The following ELP4 variants were observed in gnomAD, a reference collection of about 807,000 sequenced individuals.
The protein encoded by ELP4 is elongator complex protein 4.
Under a neutral mutation model 48.9 loss-of-function variants are expected in ELP4, and 51 were observed. The ratio of observed to expected loss-of-function variants is 1.04; its 90% confidence interval spans 0.83 to 1.32. The LOEUF (loss-of-function observed/expected upper bound fraction) is 1.32. Ranked by LOEUF, ELP4 falls within the 40% of genes most tolerant of loss-of-function variation. ELP4 has a pLI of 0.00. For missense variants in ELP4, 519 were observed against 514.6 expected (o/e 1.01, Z -0.08); for synonymous variants, 210 against 189.2 (o/e 1.11, Z -0.90).
chr11:31,636,588 G>A (rs1054475593), intron 7 of ELP4, among the ~76,000 whole-genome samples: 2 of 151,836 alleles, frequency 1.3e-5, no homozygotes, highest in African/African-American at 4.8e-5. Context: ...TGCAAAGAGA[G>A]GGAAAAGTTA....
At chr11:31,544,586 A>G (rs966649875) in intron 3 of ELP4, among the ~76,000 whole-genome samples, 4 of 152,198 alleles carry the variant, frequency 2.6e-5, no homozygotes, top group Admixed American at 1.3e-4. Context: ...ACAGACAAAC[A>G]AAAAGACAGC....
intron 9 of ELP4, among the ~76,000 whole-genome samples, chr11:31,723,387 C>G (rs1347142870): frequency 1.3e-5 from 2 of 151,892 alleles, no homozygotes; most frequent in Non-Finnish European, 2.9e-5. Flanking sequence ...ATTGTTCCCA[C>G]AAACTTCACT....
intron 4 of ELP4, chr11:31,599,449 A>G (rs1957738585): frequency 6.7e-6 from 1 of 150,316 alleles, no homozygotes; most frequent in South Asian, 2.1e-4. Flanking sequence ...CTGCTTTATA[A>G]ATCTAGGCTT....
chr11:31,533,368 CTTTTT>C (rs71060492), intron 2 of ELP4, among the ~76,000 whole-genome samples: 28 of 50,478 alleles, frequency 5.5e-4, no homozygotes, highest in South Asian at 1.4e-3. Context: ...CCATCTCATT[CTTTTT>C]TTTTTTTTTT....
intron 2 of ELP4, among the ~76,000 whole-genome samples, chr11:31,524,331 T>G (rs1435786344): frequency 6.6e-6 from 1 of 152,256 alleles, no homozygotes; most frequent in Non-Finnish European, 1.5e-5. Flanking sequence ...GCTTTCAAGC[T>G]CGTGGTTGTT....
rs368275336 is a variant in ELP4 at position 31,539,738 on chromosome 11, T to G, written c.336T>G (p.Thr112=). ...FLAEGIVNGH[T]LLVASAKEDP... ...CAGAAGGAATTGTCAATGGGCATAC[T>G]TTGTTGGTTGCATCTGCTAAAGAGG... Residue 112 remains threonine, a synonymous_variant, in exon 3 of 10, where the codon ACT becomes ACG. Transcript: ENST00000640961. 132 of 1,612,378 alleles carry G rather than the reference T, an allele frequency of 8.2e-5. No homozygotes were observed. Among genetic ancestry groups the G allele is most frequent in the South Asian group, 3.3e-5 (3 of 90,518 alleles).
intron 7 of ELP4, chr11:31,647,128 C>A (rs558145553): frequency 1.3e-5 from 2 of 151,808 alleles, no homozygotes; most frequent in Admixed American, 1.3e-4. Flanking sequence ...TCTTTTCTTT[C>A]CCTTTATTAT....
At chr11:31,573,675 T>A (rs921801850) in intron 3 of ELP4, 7 of 152,180 alleles carry the variant, frequency 4.6e-5, no homozygotes, top group Non-Finnish European at 1.0e-4. Flanking sequence ...TAAACTTAGT[T>A]ATTTTCAAAC....
intron 3 of ELP4, among the ~76,000 whole-genome samples, chr11:31,568,761 A>T (rs1160723420): frequency 6.6e-6 from 1 of 152,176 alleles, no homozygotes; most frequent in East Asian, 1.9e-4. Context: ...GCCTATCGCC[A>T]TATACAAAAT....
chr11:31,734,062 A>G (rs914553310), intron 9 of ELP4, among the ~76,000 whole-genome samples: 2 of 152,258 alleles, frequency 1.3e-5, no homozygotes, highest in Admixed American at 6.5e-5. Context: ...ATGGCTCAAC[A>G]TAAGAACATT....
At position 31,788,379 on chromosome 11, in the gene ELP4, C is replaced by T; in HGVS notation, c.*4855C>T. The T allele has an allele frequency of 4.5e-6, 1 of 224,404 alleles. No individual in the cohort carries two copies. Among genetic ancestry groups the T allele is most frequent in the Non-Finnish European group, 8.9e-6 (1 of 112,524 alleles). 13.9% of individuals were successfully genotyped at this position (224,404 alleles called of 1,614,324 possible). On this transcript the variant is annotated 3_prime_UTR_variant, in exon 10 of 10. Transcript: ENST00000640961. ...CCCTCCACCCTCCAACCATCCACAACCGCACAGAAAGCAAGATTCAAATGG... is the reference window on the plus strand; with the variant it reads ...CCCTCCACCCTCCAACCATCCACAATCGCACAGAAAGCAAGATTCAAATGG...
intron 9 of ELP4, chr11:31,707,418 G>A (rs1476317412): frequency 6.3e-6 from 1 of 158,570 alleles, no homozygotes; most frequent in East Asian, 1.8e-4. Context: ...TGTAAGTGTG[G>A]AAAATTTAAT....
At chr11:31,548,100 C>T (rs1321399980) in intron 3 of ELP4, among the ~76,000 whole-genome samples, 2 of 152,102 alleles carry the variant, frequency 1.3e-5, no homozygotes, top group African/African-American at 4.8e-5. Flanking sequence ...CCTCTCTCAC[C>T]ACTCCTATTC....
chr11:31,627,158 C>T lies in ELP4; in HGVS notation c.702C>T (p.Ile234=). The T allele has an allele frequency of 6.3e-7, 1 of 1,587,692 alleles. No homozygotes were observed. Among genetic ancestry groups the T allele is most frequent in the Non-Finnish European group, 8.6e-7 (1 of 1,166,386 alleles). Residue 234 remains isoleucine, a synonymous_variant, in exon 6 of 10, where the codon ATC becomes ATT. Transcript: ENST00000640961. Reference sequence around the variant, plus strand: ...AGCTGCTTCAGTTTATCCAGAACATCATTTATGAGGAAGGATTTGATGGAT... The same window carrying T: ...AGCTGCTTCAGTTTATCCAGAACATTATTTATGAGGAAGGATTTGATGGAT... ...YTKLLQFIQN[I]IYEEGFDGSN...
At chr11:31,533,544 A>AT (rs926936242) in intron 2 of ELP4, among the ~76,000 whole-genome samples, 325 of 147,652 alleles carry the variant, frequency 2.2e-3, no homozygotes, top group African/African-American at 6.9e-3. Context: ...AGCCCGGCTA[A>AT]TTTTTTTTTT....
chr11:31,605,266 T>G (rs1461879297), intron 5 of ELP4, among the ~76,000 whole-genome samples: 3 of 152,066 alleles, frequency 2.0e-5, no homozygotes, highest in Non-Finnish European at 2.9e-5. Context: ...AATCAATATC[T>G]TCATGTGAAA....
At chr11:31,530,466 G>C (rs931737367) in intron 2 of ELP4, among the ~76,000 whole-genome samples, 1 of 152,076 alleles carries the variant, frequency 6.6e-6, no homozygotes, top group East Asian at 1.9e-4. Context: ...GTAGTTTCAT[G>C]AAGAAAGTTG....
intron 9 of ELP4, among the ~76,000 whole-genome samples, chr11:31,729,528 A>C (rs1947141358): frequency 6.6e-6 from 1 of 152,360 alleles, no homozygotes; most frequent in South Asian, 2.1e-4. Flanking sequence ...TCTCAAAAAA[A>C]CATTTTTGTT....
At chr11:31,688,989 T>G (rs951064240) in intron 9 of ELP4, among the ~76,000 whole-genome samples, 1 of 152,164 alleles carries the variant, frequency 6.6e-6, no homozygotes, top group Non-Finnish European at 1.5e-5. Context: ...TGTCATTGAG[T>G]GGAATGCTGA....
Sources: allele counts gnomAD v4.1 joint callset (sites outside exome capture counted in the v4.1 genomes callset), GRCh38; gene constraint gnomAD v4.1.1; transcripts MANE v1.5; gene names NCBI Gene and HGNC (gene_info 2026-07-23, HGNC 2026-07-21).